Variants in PRORP observed in about 807,000 individuals in gnomAD.
PRORP encodes the protein mitochondrial ribonuclease P catalytic subunit.
In PRORP, 51 loss-of-function variants were observed where a neutral mutation model predicts 59.4. That is an observed-to-expected ratio of 0.86 (90% CI 0.69 to 1.08). The LOEUF is 1.08. Ranked by LOEUF, PRORP falls within the 50% of genes least tolerant of loss-of-function variation. The pLI is 0.00. For synonymous variants in PRORP, 231 were observed against 245.6 expected (o/e 0.94, Z 0.55); for missense variants, 646 against 690.3 (o/e 0.94, Z 0.72).
At chr14:35,244,373 ATAATT>A (rs1383026782) in intron 5 of PRORP, among the ~76,000 whole-genome samples, 1 of 152,162 alleles carries the variant, frequency 6.6e-6, no homozygotes, top group African/African-American at 2.4e-5. Context: ...TTTATTAAAT[ATAATT>A]TAATGCAGAA....
At position 35,123,992 on chromosome 14, in the gene PRORP, C is replaced by G. The variant is rs753425011; in HGVS notation, c.747C>G (p.Asp249Glu). Residue 249 changes from aspartate (D) to glutamate (E), a missense_variant, in exon 2 of 8, where the codon GAC becomes GAG. Coordinates refer to ENST00000534898, the MANE Select transcript of PRORP (RefSeq NM_014672.4). ...VITPSKKNYN[D>E]CIQGALLHQD... The stretch of plus-strand genomic sequence containing the variant: ...CTCCTTCAAAAAAGAACTATAATGA[C>G]TGTATCCAGGGAGCTCTCCTTCATC... 3.7e-6 allele frequency: 6 copies of G among 1,614,104 alleles called. No individual in the cohort carries two copies. The highest frequency in any genetic ancestry group is 1.7e-5 in the Admixed American group (1 of 60,002).
At chr14:35,173,997 T>C (rs2048382954) in intron 4 of PRORP, among the ~76,000 whole-genome samples, 1 of 152,090 alleles carries the variant, frequency 6.6e-6, no homozygotes, top group African/African-American at 2.4e-5. Flanking sequence ...ATTCTCAGGA[T>C]GGCTGGTTTC....
At chr14:35,242,130 G>C (rs1470645671) in intron 5 of PRORP, among the ~76,000 whole-genome samples, 5 of 152,126 alleles carry the variant, frequency 3.3e-5, no homozygotes, top group African/African-American at 4.8e-5. Flanking sequence ...ATTTATGTCT[G>C]TCTTCCTACT....
intron 4 of PRORP, among the ~76,000 whole-genome samples, chr14:35,172,811 C>G (rs2048355638): frequency 6.6e-6 from 1 of 151,828 alleles, no homozygotes; most frequent in South Asian, 2.1e-4. Flanking sequence ...CGTGATCCAC[C>G]TGCCTTGGCG....
chr14:35,174,755 T>C (rs940492968), intron 4 of PRORP, among the ~76,000 whole-genome samples: 1 of 148,056 alleles, frequency 6.8e-6, no homozygotes, highest in Non-Finnish European at 1.5e-5. Context: ...TTTTTCTTTT[T>C]TTTTTTTTTA....
intron 4 of PRORP, among the ~76,000 whole-genome samples, chr14:35,148,623 CAA>C (rs1402286837): frequency 6.6e-6 from 1 of 152,312 alleles, no homozygotes; most frequent in African/African-American, 2.4e-5. Flanking sequence ...TAGCCCATAA[CAA>C]GAGAGTCAGC....
At chr14:35,268,354 A>AAG (rs1344050150) in intron 6 of PRORP, among the ~76,000 whole-genome samples, 1 of 151,418 alleles carries the variant, frequency 6.6e-6, no homozygotes, top group African/African-American at 2.4e-5. Context: ...AAAAAAAAAA[A>AAG]AAAAAAAAAC....
At chr14:35,181,767 A>G (rs563623826) in intron 5 of PRORP, among the ~76,000 whole-genome samples, 210 of 144,572 alleles carry the variant, frequency 1.5e-3, no homozygotes, top group African/African-American at 5.1e-3. Context: ...CCTGGGCAAC[A>G]AGAGCAAAAC....
At chr14:35,137,024 T>A (rs1310037286) in intron 4 of PRORP, among the ~76,000 whole-genome samples, 1 of 146,020 alleles carries the variant, frequency 6.8e-6, no homozygotes, top group Admixed American at 7.1e-5. Flanking sequence ...AGGGATACAT[T>A]GGATTTGGCA....
intron 5 of PRORP, among the ~76,000 whole-genome samples, chr14:35,245,806 T>G (rs1021834546): frequency 2.6e-5 from 4 of 152,300 alleles, no homozygotes; most frequent in African/African-American, 4.8e-5. Flanking sequence ...GGATTCCCAT[T>G]ACCGCTCTCC....
chr14:35,246,310 C>T (rs1038650602), intron 5 of PRORP, among the ~76,000 whole-genome samples: 2 of 152,172 alleles, frequency 1.3e-5, no homozygotes, highest in Non-Finnish European at 2.9e-5. Context: ...CTGGTTCTCT[C>T]TCTCTAAACT....
At chr14:35,221,427 T>G (rs1450848776) in intron 5 of PRORP, among the ~76,000 whole-genome samples, 2 of 152,322 alleles carry the variant, frequency 1.3e-5, no homozygotes, top group East Asian at 3.9e-4. Context: ...GATTCTGTCT[T>G]TCTTTAAATT....
chr14:35,223,394 G>T (rs904568650), intron 5 of PRORP, among the ~76,000 whole-genome samples: 1 of 151,454 alleles, frequency 6.6e-6, no homozygotes, highest in Non-Finnish European at 1.5e-5. Flanking sequence ...TACTAATGTC[G>T]TGAGCCGTAG....
rs1185574293 is a variant in PRORP, at chr14:35,127,562, T to A, written c.1118T>A (p.Met373Lys). The A allele has an allele frequency of 6.2e-7, 1 of 1,614,008 alleles. No individual in the cohort carries two copies. Among genetic ancestry groups the A allele is most frequent in the Non-Finnish European group, 8.5e-7 (1 of 1,179,932 alleles). Residue 373 changes from methionine to lysine, a missense_variant, in exon 4 of 8, where the codon ATG (methionine) becomes AAG (lysine). Coordinates refer to ENST00000534898, the MANE Select transcript of PRORP (RefSeq NM_014672.4). Reference protein sequence around the residue: ...EEYECLKGKIMRDVIDGGDQY... With the variant: ...EEYECLKGKIKRDVIDGGDQY... ...TATGAATGTCTTAAGGGAAAAATCA[T>A]GAGGGATGTGATAGATGGAGGTGAC...
At chr14:35,248,095 C>T (rs2050527160) in intron 5 of PRORP, among the ~76,000 whole-genome samples, 1 of 151,450 alleles carries the variant, frequency 6.6e-6, no homozygotes, top group Non-Finnish European at 1.5e-5. Flanking sequence ...GTTTCATTAA[C>T]TAAGGACGAG....
upstream of PRORP, chr14:35,121,943 A>T (rs1566434048): frequency 6.2e-6 from 10 of 1,614,098 alleles, no homozygotes; most frequent in Non-Finnish European, 7.6e-6. Context: ...CCGACGAAGA[A>T]CTTCTTTCCA....
At chr14:35,199,036 C>T (rs765170298) in intron 5 of PRORP, among the ~76,000 whole-genome samples, 34 of 152,128 alleles carry the variant, frequency 2.2e-4, no homozygotes, top group Non-Finnish European at 3.8e-4. Flanking sequence ...GGCCTGGTGG[C>T]GGGCACCTGT....
chr14:35,194,895 T>C (rs963450710), intron 5 of PRORP, among the ~76,000 whole-genome samples: 1 of 152,174 alleles, frequency 6.6e-6, no homozygotes, highest in African/African-American at 2.4e-5. Flanking sequence ...TTTGAAAATT[T>C]ATAATTGTAA....
intron 5 of PRORP, among the ~76,000 whole-genome samples, chr14:35,225,967 G>T (rs2138468071): frequency 2.0e-5 from 3 of 152,280 alleles, no homozygotes; most frequent in Admixed American, 2.0e-4. Context: ...CCTAACCAAA[G>T]CTGTAACTCT....
Sources: allele counts gnomAD v4.1 joint callset (sites outside exome capture counted in the v4.1 genomes callset), GRCh38; gene constraint gnomAD v4.1.1; transcripts MANE v1.5; gene names NCBI Gene and HGNC (gene_info 2026-07-23, HGNC 2026-07-21).